The following USP37 variants were observed in gnomAD, a reference collection of about 807,000 sequenced individuals.
USP37 encodes the protein ubiquitin carboxyl-terminal hydrolase 37.
Under a neutral mutation model 124.0 loss-of-function variants are expected in USP37, and 27 were observed. That is an observed-to-expected ratio of 0.22 (90% CI 0.16 to 0.30). The LOEUF (loss-of-function observed/expected upper bound fraction) is 0.30, where lower values mean the gene tolerates loss of function less well. USP37 is among the 10% of genes least tolerant of loss of function. The pLI is 1.00. For missense variants in USP37, 889 were observed against 1,140.4 expected, an observed-to-expected ratio of 0.78 and a Z score of 3.17; for synonymous variants, 365 against 388.0, an observed-to-expected ratio of 0.94 and a Z score of 0.70.
intron 5 of USP37, 44 bp from the exon 6 acceptor site, chr2:218,549,953 T>C (rs1373700330): frequency 1.4e-6 from 2 of 1,399,922 alleles, no homozygotes; most frequent in Non-Finnish European, 2.0e-6. Flanking sequence ...CCCAAATCAC[T>C]CACTTTAACA....
chr2:218,501,866 A>T (rs1353203580), intron 11 of USP37, among the ~76,000 whole-genome samples: 1 of 152,206 alleles, frequency 6.6e-6, no homozygotes, highest in Non-Finnish European at 1.5e-5. Context: ...CTTGACACTA[A>T]TCAAGAACAA....
intron 20 of USP37, among the ~76,000 whole-genome samples, chr2:218,470,653 T>G (rs1690632227): frequency 6.6e-6 from 1 of 152,230 alleles, no homozygotes; most frequent in African/African-American, 2.4e-5. Context: ...GTCATGCCGA[T>G]CATTCTGAAC....
At chr2:218,517,301 A>G (rs557413737) in intron 10 of USP37, among the ~76,000 whole-genome samples, 2 of 152,348 alleles carry the variant, frequency 1.3e-5, no homozygotes, top group East Asian at 3.9e-4. Context: ...AGAATTTATC[A>G]AGATAGACAG....
intron 1 of USP37, among the ~76,000 whole-genome samples, chr2:218,566,133 C>T (rs995982763): frequency 2.0e-5 from 3 of 152,074 alleles, no homozygotes; most frequent in Admixed American, 6.5e-5. Flanking sequence ...AAGATTAAGA[C>T]TTGGGGTAGA....
Position 218,452,519 on chromosome 2 carries a change from C to T in USP37, c.*2411G>A, listed in dbSNP as rs182183587. The T allele has an allele frequency of 9.2e-5, 14 of 152,206 alleles. No homozygotes were observed. The highest frequency in any genetic ancestry group is 3.1e-4 in the African/African-American group (13 of 41,550). 9.4% of individuals were successfully genotyped at this position (152,206 alleles called of 1,614,324 possible). A position where few individuals can be genotyped will look rare whatever the true frequency, so the allele number is the denominator to read the frequency against. On this transcript the variant is annotated 3_prime_UTR_variant, in exon 26 of 26. Transcript: ENST00000258399. ...AGGAAGGAGAAGGCTGATAGGGCCA[C>T]AAGAATGGACAGACATCAAGTAAAA...
intron 17 of USP37, among the ~76,000 whole-genome samples, chr2:218,481,085 T>C (rs1691248473): frequency 1.3e-5 from 2 of 152,200 alleles, no homozygotes; most frequent in African/African-American, 4.8e-5. Flanking sequence ...TCTACCAAAC[T>C]AGTGTTCAAG....
intron 9 of USP37, among the ~76,000 whole-genome samples, chr2:218,532,720 G>A (rs926047043): frequency 6.6e-6 from 1 of 152,052 alleles, no homozygotes. Flanking sequence ...CTTGAGCCCA[G>A]GAGCTGGGGA....
Position 218,452,581 on chromosome 2 carries a change from A to G in USP37, c.*2349T>C, listed in dbSNP as rs1356359315. 6.6e-6 allele frequency: 1 copy of G among 152,192 alleles called. No individual in the cohort carries two copies. The highest frequency in any genetic ancestry group is 6.5e-5 in the Admixed American group (1 of 15,272). 9.4% of individuals were successfully genotyped at this position (152,192 alleles called of 1,614,324 possible). A position where few individuals can be genotyped will look rare whatever the true frequency, so the allele number is the denominator to read the frequency against. ...AACATGCAAGTACATGAGCAGTGAG[A>G]TAACTTATATATTCCAATAACCTAT... On this transcript the variant is annotated 3_prime_UTR_variant, in exon 26 of 26. Coordinates refer to ENST00000258399, the MANE Select transcript of USP37 (RefSeq NM_020935.3).
At position 218,510,125 on chromosome 2, in the gene USP37, G is replaced by C. The variant is rs1185521722; in HGVS notation, c.879C>G (p.Ser293Arg). 1.2e-6 allele frequency: 2 copies of C among 1,609,430 alleles called. No homozygotes were observed. The highest frequency in any genetic ancestry group is 4.5e-5 in the East Asian group (2 of 44,818). Residue 293 changes from serine to arginine, a missense_variant, in exon 11 of 26, where the codon AGC (serine) becomes AGG (arginine). By Grantham distance (110) the Ser-to-Arg change is moderately radical (BLOSUM62 -1). Coordinates refer to ENST00000258399, the MANE Select transcript of USP37 (RefSeq NM_020935.3). ...GTNLDRTNVS[S>R]QTPSAKRSLG... The stretch of plus-strand genomic sequence containing the variant: ...AACTTCTTTTGGCAGAGGGAGTCTG[G>C]CTTGAAACATTAGTCCTACAAAAAA...
chr2:218,509,881 G>C lies in USP37; in HGVS notation c.1025+98C>G, dbSNP rs541183859. Reference sequence around the variant, plus strand: ...AGTGATCTAATTTCTAAATATTTTAGAACTTTAATGTGACTCCTTTAATTA... The same window carrying C: ...AGTGATCTAATTTCTAAATATTTTACAACTTTAATGTGACTCCTTTAATTA... On this transcript the variant is annotated intron_variant, in intron 11 of 25. Coordinates refer to ENST00000258399, the MANE Select transcript of USP37 (RefSeq NM_020935.3). 3.5e-6 allele frequency: 4 copies of C among 1,152,366 alleles called. No homozygotes were observed. In the African/African-American group the frequency reaches 6.3e-5, roughly 18 times the overall value. The allele number at this position is 1,152,366 out of a possible 1,614,324, so 71.4% of individuals were successfully genotyped here.
intron 23 of USP37, among the ~76,000 whole-genome samples, chr2:218,459,487 G>A (rs1333116476): frequency 1.3e-5 from 2 of 152,240 alleles, no homozygotes; most frequent in Non-Finnish European, 2.9e-5. Context: ...TTACAGGCGT[G>A]AGCCACCATG....
At chr2:218,495,203 G>A (rs1037417505) in intron 14 of USP37, among the ~76,000 whole-genome samples, 4 of 152,072 alleles carry the variant, frequency 2.6e-5, no homozygotes, top group Admixed American at 2.6e-4. Context: ...GTGCAGTGGC[G>A]TCATCATGGC....
rs1022004713 is a variant in USP37, at chr2:218,453,693, A to G, written c.*1237T>C. On this transcript the variant is annotated 3_prime_UTR_variant, in exon 26 of 26. Transcript: ENST00000258399. ...TTGCCGCTCTACTTTGCCTCAACTC[A>G]GAGCACCTAAAAAGTAGATAAATAA... 1.1e-4 allele frequency: 17 copies of G among 152,208 alleles called. No individual in the cohort carries two copies. The highest frequency in any genetic ancestry group is 4.1e-4 in the African/African-American group (17 of 41,442). 9.4% of individuals were successfully genotyped at this position (152,208 alleles called of 1,614,324 possible).
At chr2:218,519,883 G>A (rs1413055157) in intron 10 of USP37, among the ~76,000 whole-genome samples, 1 of 150,000 alleles carries the variant, frequency 6.7e-6, no homozygotes, top group Non-Finnish European at 1.5e-5. Context: ...GATTACAGGC[G>A]TGAGCCACCA....
rs543338630 is a variant in USP37, at chr2:218,472,835, T to C, written c.2299+1795A>G. On this transcript the variant is annotated intron_variant, in intron 20 of 25. Transcript: ENST00000258399. ...TTATCACATCTAAGAATATTAACAG[T>C]AATTCTATTTATAATTCCAATATAT... is the stretch of plus-strand genomic sequence containing the variant. 1.8e-4 allele frequency among the ~76,000 whole-genome samples: 27 copies of C among 152,326 alleles called. No homozygotes were observed. The East Asian group carries it at 4.6e-3, about 26-fold the overall frequency.
At chr2:218,457,038 A>G in intron 24 of USP37, 54 bp downstream of exon 24, 2 of 1,547,482 alleles carry the variant, frequency 1.3e-6, no homozygotes, top group Non-Finnish European at 1.8e-6. Flanking sequence ...TATAATAAAG[A>G]GCAAATGCTG....
At chr2:218,530,418 G>A (rs1691260889) in intron 9 of USP37, among the ~76,000 whole-genome samples, 1 of 152,086 alleles carries the variant, frequency 6.6e-6, no homozygotes, top group Non-Finnish European at 1.5e-5. Flanking sequence ...TGTTACTGTT[G>A]TCACTGTTTT....
chr2:218,482,942 TA>T lies in USP37; in HGVS notation c.1671-709del, dbSNP rs1310936746. ...TATTTCTCAACCCACAAGAACACTT[TA>T]AAAATTGAATTTCAAACATCTTATG... is the stretch of plus-strand genomic sequence containing the variant. On this transcript the variant is annotated intron_variant, in intron 16 of 25. Transcript: ENST00000258399. Among the ~76,000 whole-genome samples the T allele has an allele frequency of 2.0e-5, 3 of 152,222 alleles. No homozygotes were observed. In the South Asian group the frequency reaches 6.2e-4, roughly 32 times the overall value.
chr2:218,506,342 G>A (rs1185243755), intron 11 of USP37, among the ~76,000 whole-genome samples: 1 of 128,412 alleles, frequency 7.8e-6, no homozygotes, highest in Non-Finnish European at 1.6e-5. Flanking sequence ...TCAGGCTGGA[G>A]TGCAGTGGTG....
Sources: gnomAD v4.1 joint callset for allele counts (sites outside exome capture counted in the v4.1 genomes callset) on GRCh38, gnomAD v4.1.1 for gene constraint, MANE v1.5 for transcripts, NCBI Gene and HGNC (gene_info 2026-07-23, HGNC 2026-07-21) for gene names.